Variants in MTA3 observed in about 807,000 individuals in gnomAD.
The protein encoded by MTA3 is metastasis associated 1 family member 3.
In MTA3, 34 loss-of-function variants were observed where a neutral mutation model predicts 83.5. The observed-to-expected ratio is 0.41, with a 90% confidence interval of 0.31 to 0.54. The LOEUF (loss-of-function observed/expected upper bound fraction) is 0.54. Ranked by LOEUF, MTA3 falls within the 20% of genes least tolerant of loss-of-function variation. The probability of loss-of-function intolerance (pLI) is 0.33; values close to 1 mark genes in which losing one functional copy is unlikely to be tolerated. For synonymous variants in MTA3, 303 were observed against 252.7 expected, an observed-to-expected ratio of 1.20 and a Z score of -1.89; for missense variants, 761 against 726.4, an observed-to-expected ratio of 1.05 and a Z score of -0.55.
At chr2:42,621,735 G>C (rs1297428142) in intron 4 of MTA3, among the ~76,000 whole-genome samples, 5 of 150,212 alleles carry the variant, frequency 3.3e-5, no homozygotes, top group African/African-American at 1.2e-4. Flanking sequence ...TCACTTCTCA[G>C]ACGGGGCGGC....
intron 8 of MTA3, among the ~76,000 whole-genome samples, chr2:42,660,721 A>G (rs1391238012): frequency 2.0e-5 from 3 of 152,252 alleles, no homozygotes; most frequent in African/African-American, 7.2e-5. Context: ...CAAAAGTTTC[A>G]ATATTGTTTT....
chr2:42,733,393 A>G (rs989320798), intron 16 of MTA3, among the ~76,000 whole-genome samples: 5 of 152,184 alleles, frequency 3.3e-5, no homozygotes, highest in Admixed American at 6.5e-5. Flanking sequence ...CCATGACTCA[A>G]TTACCTCCCT....
chr2:42,671,514 T>C (rs1169007760), intron 8 of MTA3, among the ~76,000 whole-genome samples: 1 of 152,212 alleles, frequency 6.6e-6, no homozygotes, highest in East Asian at 1.9e-4. Flanking sequence ...TCTAATATTC[T>C]TTTGCTAGCC....
At chr2:42,515,423 A>G (rs1410684818) in intron 2 of MTA3, among the ~76,000 whole-genome samples, 1 of 152,058 alleles carries the variant, frequency 6.6e-6, no homozygotes. Context: ...GACTCAAACA[A>G]TCCTCCCACC....
intron 11 of MTA3, 102 bp downstream of exon 11, chr2:42,697,936 A>G (rs945380431): frequency 1.8e-5 from 14 of 756,784 alleles, no homozygotes; most frequent in Non-Finnish European, 2.3e-5. Context: ...ACTTTTGTGT[A>G]TCTTTCTTCT....
chr2:42,542,545 TTTTA>T (rs979429919), intron 2 of MTA3, among the ~76,000 whole-genome samples: 3 of 152,162 alleles, frequency 2.0e-5, no homozygotes, highest in Non-Finnish European at 4.4e-5. Flanking sequence ...TAATCTTTTA[TTTTA>T]TTTATTTATT....
At chr2:42,667,570 T>TTATGTC (rs770325715) in intron 8 of MTA3, among the ~76,000 whole-genome samples, 1 of 145,010 alleles carries the variant, frequency 6.9e-6, no homozygotes, top group East Asian at 2.1e-4. Flanking sequence ...CATTTAAAAA[T>TTATGTC]TGTGTGTGTG....
At chr2:42,512,467 G>A (rs1448167528) in intron 2 of MTA3, among the ~76,000 whole-genome samples, 11 of 152,194 alleles carry the variant, frequency 7.2e-5, no homozygotes, top group Admixed American at 6.5e-4. Context: ...AGTACTCTAT[G>A]TCTTCCAAGT....
chr2:42,673,455 A>G (rs761919239), intron 8 of MTA3, among the ~76,000 whole-genome samples: 3 of 152,208 alleles, frequency 2.0e-5, no homozygotes, highest in African/African-American at 7.2e-5. Flanking sequence ...TTTTCAACCT[A>G]TGATGAGTTT....
rs1670247952 is a variant in MTA3 at position 42,756,532 on chromosome 2, G to A, written c.*3133G>A. ...CTGAGCCTGGTGTTTATGCCCCACT[G>A]CTGTCCTAAGTCCCTGGCGAGGGGA... On this transcript the variant is annotated 3_prime_UTR_variant, in exon 17 of 17. Transcript: ENST00000405094. The A allele has an allele frequency of 1.0e-6, 1 of 985,794 alleles. No individual in the cohort carries two copies. Among genetic ancestry groups the A allele is most frequent in the East Asian group, 1.1e-4 (1 of 8,812 alleles). 61.1% of individuals were successfully genotyped at this position (985,794 alleles called of 1,614,324 possible).
At chr2:42,628,811 A>C (rs1398511342) in intron 4 of MTA3, among the ~76,000 whole-genome samples, 1 of 149,500 alleles carries the variant, frequency 6.7e-6, no homozygotes, top group Non-Finnish European at 1.5e-5. Context: ...TACCTAGAGC[A>C]ATTAGTGTTT....
At chr2:42,531,011 G>T (rs985140563) in intron 2 of MTA3, among the ~76,000 whole-genome samples, 1 of 152,100 alleles carries the variant, frequency 6.6e-6, no homozygotes, top group African/African-American at 2.4e-5. Flanking sequence ...TGTATTTTTA[G>T]TAGAGATGGC....
chr2:42,683,038 T>G (rs1044156233), intron 9 of MTA3, among the ~76,000 whole-genome samples: 1 of 152,176 alleles, frequency 6.6e-6, no homozygotes, highest in Admixed American at 6.5e-5. Flanking sequence ...ACCACTGCAC[T>G]GCAGCCTGGG....
intron 3 of MTA3, among the ~76,000 whole-genome samples, chr2:42,608,299 GC>G (rs1325627389): frequency 6.6e-6 from 1 of 152,200 alleles, no homozygotes; most frequent in Non-Finnish European, 1.5e-5. Context: ...CAATGCAGCA[GC>G]AACTTTATCA....
At chr2:42,498,005 T>C (rs1321151070) in intron 2 of MTA3, among the ~76,000 whole-genome samples, 1 of 152,158 alleles carries the variant, frequency 6.6e-6, no homozygotes, top group Non-Finnish European at 1.5e-5. Flanking sequence ...GAACACAGAT[T>C]CCTCCATCAC....
chr2:42,537,257 G>A (rs534487511), intron 2 of MTA3, among the ~76,000 whole-genome samples: 1 of 152,220 alleles, frequency 6.6e-6, no homozygotes, highest in Non-Finnish European at 1.5e-5. Context: ...CAAGCTACCT[G>A]AACTCTTTAA....
At chr2:42,624,536 C>T (rs1160350248) in intron 4 of MTA3, among the ~76,000 whole-genome samples, 3 of 151,980 alleles carry the variant, frequency 2.0e-5, no homozygotes, top group Non-Finnish European at 4.4e-5. Flanking sequence ...GCATTTTGGC[C>T]AGGCTGGTCT....
At chr2:42,696,921 T>C (rs1055661496) in intron 10 of MTA3, among the ~76,000 whole-genome samples, 1 of 152,188 alleles carries the variant, frequency 6.6e-6, no homozygotes, top group Non-Finnish European at 1.5e-5. Context: ...ACCTATTTTA[T>C]TAAAAAAGAG....
intron 2 of MTA3, among the ~76,000 whole-genome samples, chr2:42,523,527 G>A (rs989484284): frequency 6.6e-6 from 1 of 152,208 alleles, no homozygotes; most frequent in Non-Finnish European, 1.5e-5. Context: ...GAGCAGAGCT[G>A]CCTGCCGACC....
Sources: gnomAD v4.1 joint callset for allele counts (sites outside exome capture counted in the v4.1 genomes callset) on GRCh38, gnomAD v4.1.1 for gene constraint, MANE v1.5 for transcripts, NCBI Gene and HGNC (gene_info 2026-07-23, HGNC 2026-07-21) for gene names.